The following KALRN variants were observed in gnomAD, a reference collection of about 807,000 sequenced individuals.
KALRN encodes kalirin RhoGEF kinase, also known as kalirin.
KALRN carries 70 observed loss-of-function variants against 353.7 expected under a neutral mutation model. That is an observed-to-expected ratio of 0.20 (90% CI 0.16 to 0.24). The LOEUF is 0.24. Among genes scored for constraint, KALRN ranks in the 10% least tolerant of loss-of-function variants. KALRN has a pLI of 1.00. For missense variants in KALRN, 2,791 were observed against 3,756.7 expected (o/e 0.74, Z 6.72); for synonymous variants, 1,391 against 1,434.8 (o/e 0.97, Z 0.69).
At chr3:124,110,626 A>G (rs1334348815) in intron 1 of KALRN, among the ~76,000 whole-genome samples, 1 of 152,094 alleles carries the variant, frequency 6.6e-6, no homozygotes, top group Admixed American at 6.6e-5. Flanking sequence ...TGAAGCCAAG[A>G]ATGATAACAT....
intron 1 of KALRN, among the ~76,000 whole-genome samples, chr3:124,062,006 G>A (rs184271927): frequency 1.8e-3 from 280 of 152,288 alleles, no homozygotes; most frequent in African/African-American, 6.4e-3. Flanking sequence ...CATCACCTGG[G>A]AGCTTGTTAG....
At chr3:124,094,122 T>C (rs931340186) in intron 1 of KALRN, 1 of 152,850 alleles carries the variant, frequency 6.5e-6, no homozygotes, top group African/African-American at 2.4e-5. Context: ...CTGAGGCACA[T>C]GGAGCTGAAA....
chr3:124,294,517 C>CTTATTTT (rs1580621857), intron 5 of KALRN, among the ~76,000 whole-genome samples: 1 of 60,010 alleles, frequency 1.7e-5, no homozygotes, highest in African/African-American at 4.8e-5. Context: ...AGAAGATTCT[C>CTTATTTT]TTCTTTTTTT....
At chr3:124,271,218 G>A (rs1365389683) in intron 5 of KALRN, among the ~76,000 whole-genome samples, 2 of 152,174 alleles carry the variant, frequency 1.3e-5, no homozygotes, top group African/African-American at 2.4e-5. Context: ...TTGCAGCCTG[G>A]CCTGGGTGCC....
At chr3:124,670,747 A>G (rs903378840) in intron 47 of KALRN, among the ~76,000 whole-genome samples, 1 of 152,212 alleles carries the variant, frequency 6.6e-6, no homozygotes, top group Non-Finnish European at 1.5e-5. Flanking sequence ...TTGGACCTGT[A>G]TGACATTTGC....
At chr3:124,180,764 C>T (rs998357531) in intron 1 of KALRN, among the ~76,000 whole-genome samples, 1 of 152,130 alleles carries the variant, frequency 6.6e-6, no homozygotes, top group African/African-American at 2.4e-5. Flanking sequence ...CAGCCCACTT[C>T]TCTCTCTGCT....
chr3:124,288,592 A>AT (rs57508937), intron 5 of KALRN, among the ~76,000 whole-genome samples: 10,606 of 152,212 alleles, frequency 0.07, 1,055 homozygotes, highest in East Asian at 0.47. Flanking sequence ...GGTATCAGCA[A>AT]TAGTAGGGGT....
chr3:124,046,725 T>C (rs1376898875), intron 1 of KALRN, among the ~76,000 whole-genome samples: 1 of 152,172 alleles, frequency 6.6e-6, no homozygotes, highest in Non-Finnish European at 1.5e-5. Flanking sequence ...TCCCCAAACT[T>C]TATGGAACAT....
intron 8 of KALRN, among the ~76,000 whole-genome samples, chr3:124,332,500 C>G (rs956971105): frequency 3.3e-5 from 5 of 152,142 alleles, no homozygotes; most frequent in Non-Finnish European, 5.9e-5. Context: ...CTCAACATTT[C>G]TATCAATTCC....
At chr3:124,128,810 T>G (rs929082199) in intron 1 of KALRN, among the ~76,000 whole-genome samples, 1 of 152,080 alleles carries the variant, frequency 6.6e-6, no homozygotes, top group Non-Finnish European at 1.5e-5. Flanking sequence ...AGATGCTCAC[T>G]GTGTCCTTTT....
chr3:124,717,233 C>T lies in KALRN; in HGVS notation c.8277-14C>T. 6.3e-7 allele frequency: 1 copy of T among 1,581,336 alleles called. No homozygotes were observed. Among genetic ancestry groups the T allele is most frequent in the Non-Finnish European group, 8.6e-7 (1 of 1,164,782 alleles). ...TCAAACATATTTCCTTTGCCTTTCC[C>T]TGCCTACTTTCAGGATGGATGATGG... On this transcript the variant is annotated splice_polypyrimidine_tract_variant and intron_variant, in intron 58 of 59. Coordinates refer to ENST00000682506, the MANE Select transcript of KALRN (RefSeq NM_001388419.1).
intron 1 of KALRN, among the ~76,000 whole-genome samples, chr3:124,190,252 C>T (rs1050963044): frequency 2.9e-4 from 44 of 152,152 alleles, no homozygotes; most frequent in Admixed American, 2.0e-4. Flanking sequence ...CAGGGAGCTT[C>T]GTATGGCTGG....
intron 34 of KALRN, among the ~76,000 whole-genome samples, chr3:124,584,095 T>C (rs2074879300): frequency 6.6e-6 from 1 of 151,918 alleles, no homozygotes; most frequent in South Asian, 2.1e-4. Context: ...AGATAAAAGG[T>C]GAAGTGACTT....
At chr3:124,644,346 C>T (rs2082448005) in intron 37 of KALRN, among the ~76,000 whole-genome samples, 1 of 151,798 alleles carries the variant, frequency 6.6e-6, no homozygotes, top group African/African-American at 2.4e-5. Context: ...TTTTTTTATA[C>T]TTTAAGTTCC....
chr3:124,233,118 C>A (rs1441582567), intron 2 of KALRN, among the ~76,000 whole-genome samples: 2 of 152,134 alleles, frequency 1.3e-5, no homozygotes, highest in Non-Finnish European at 2.9e-5. Context: ...CCAAGCCACC[C>A]TTTGCCAGTT....
chr3:124,439,176 CCTT>C (rs1490133042), intron 18 of KALRN, 139 bp downstream of exon 18: 10 of 649,658 alleles, frequency 1.5e-5, no homozygotes, highest in African/African-American at 2.2e-5. Flanking sequence ...TCCTCCTCCT[CCTT>C]CTTCTCCTTC....
At chr3:124,186,661 A>G (rs1415110070) in intron 1 of KALRN, among the ~76,000 whole-genome samples, 1 of 152,182 alleles carries the variant, frequency 6.6e-6, no homozygotes, top group Non-Finnish European at 1.5e-5. Flanking sequence ...TTATGTGTTC[A>G]TCAGCAGGGA....
chr3:124,251,355 C>CTTTTTTT (rs57628448), intron 3 of KALRN, among the ~76,000 whole-genome samples: 3 of 133,684 alleles, frequency 2.2e-5, no homozygotes, highest in Non-Finnish European at 1.6e-5. Flanking sequence ...CAAGTCTTTG[C>CTTTTTTT]TTTTTTTTTT....
At chr3:124,401,611 C>T (rs2090880205) in intron 13 of KALRN, among the ~76,000 whole-genome samples, 1 of 152,128 alleles carries the variant, frequency 6.6e-6, no homozygotes, top group African/African-American at 2.4e-5. Context: ...ACCTGGTATG[C>T]AGGAGAGCAA....
Sources: gnomAD v4.1 joint callset for allele counts (sites outside exome capture counted in the v4.1 genomes callset) on GRCh38, gnomAD v4.1.1 for gene constraint, MANE v1.5 for transcripts, NCBI Gene and HGNC (gene_info 2026-07-23, HGNC 2026-07-21) for gene names.